Variants in RBPJ observed in about 807,000 individuals in gnomAD.
The protein encoded by RBPJ is recombining binding protein suppressor of hairless.
A neutral mutation model predicts 67.8 loss-of-function variants in RBPJ; 9 were observed. The observed-to-expected ratio is 0.13, with a 90% confidence interval of 0.08 to 0.23. RBPJ has a LOEUF of 0.23. RBPJ is among the 10% of genes least tolerant of loss of function. The pLI is 1.00. For missense variants in RBPJ, 305 were observed against 595.6 expected (o/e 0.51, Z 5.08); for synonymous variants, 198 against 203.3 (o/e 0.97, Z 0.22).
chr4:26,265,220 C>T (rs556875428), intron 1 of RBPJ, among the ~76,000 whole-genome samples: 19 of 152,254 alleles, frequency 1.2e-4, no homozygotes, highest in South Asian at 4.1e-4. Flanking sequence ...GATAATTTTT[C>T]CGAGCTGCCC....
At chr4:26,341,010 TAA>T (rs1196813231) in intron 1 of RBPJ, among the ~76,000 whole-genome samples, 1 of 152,168 alleles carries the variant, frequency 6.6e-6, no homozygotes. Context: ...CAGCTGGATA[TAA>T]AGTTTGGAGT....
intron 1 of RBPJ, among the ~76,000 whole-genome samples, chr4:26,301,436 C>A (rs1007058140): frequency 6.6e-6 from 1 of 151,514 alleles, no homozygotes. Flanking sequence ...ACTAAAAATA[C>A]AAAAAATTAG....
chr4:26,144,037 G>A, the RBPJ span, among the ~76,000 whole-genome samples: 2 of 152,132 alleles, frequency 1.3e-5, no homozygotes, highest in African/African-American at 4.8e-5. Context: ...TTTATATTAT[G>A]TGTTAAATTT....
At chr4:26,220,321 A>G (rs970132803) in intron 1 of RBPJ, among the ~76,000 whole-genome samples, 2 of 152,166 alleles carry the variant, frequency 1.3e-5, no homozygotes, top group African/African-American at 4.8e-5. Context: ...TTGCACCTCA[A>G]AAAGCTATTG....
chr4:26,394,882 G>A (rs1185291097), intron 2 of RBPJ, among the ~76,000 whole-genome samples: 1 of 152,086 alleles, frequency 6.6e-6, no homozygotes, highest in Non-Finnish European at 1.5e-5. Flanking sequence ...ATGTCATGAG[G>A]TTTTCTTCAT....
At chr4:26,316,418 TATATACATTCATATATACATTC>T (rs1560258207), upstream of RBPJ, among the ~76,000 whole-genome samples, 13 of 145,016 alleles carry the variant, frequency 9.0e-5, no homozygotes, top group African/African-American at 3.3e-4. Flanking sequence ...TATACATTCA[TATATACATTCATATATACATTC>T]ATATACATTC....
At chr4:26,119,856 A>AGG in the RBPJ span, among the ~76,000 whole-genome samples, 1 of 152,232 alleles carries the variant, frequency 6.6e-6, no homozygotes, top group African/African-American at 2.4e-5. Flanking sequence ...GAGTTACAAG[A>AGG]ACCCTTTCCT....
At chr4:26,404,086 T>C (rs933832682) in intron 2 of RBPJ, among the ~76,000 whole-genome samples, 1 of 152,230 alleles carries the variant, frequency 6.6e-6, no homozygotes, top group African/African-American at 2.4e-5. Context: ...TGTGAGATGG[T>C]GTCTCATTGT....
intron 1 of RBPJ, among the ~76,000 whole-genome samples, chr4:26,351,855 G>C (rs974460394): frequency 1.3e-5 from 2 of 152,184 alleles, no homozygotes; most frequent in African/African-American, 4.8e-5. Context: ...CCCACTGCTA[G>C]TTTCATACAG....
chr4:26,215,406 GGGAA>G (rs1718685223), intron 1 of RBPJ, among the ~76,000 whole-genome samples: 1 of 72,750 alleles, frequency 1.4e-5, no homozygotes, highest in South Asian at 6.6e-4. Context: ...AGGAAGGGGG[GGGAA>G]GGAAGGAAGG....
intron 1 of RBPJ, among the ~76,000 whole-genome samples, chr4:26,171,856 G>T (rs192503965): frequency 6.6e-6 from 1 of 152,320 alleles, no homozygotes. Context: ...GCTGAGGAGT[G>T]GACCTGCCAC....
At chr4:26,382,501 A>G (rs890205311) in intron 1 of RBPJ, among the ~76,000 whole-genome samples, 5 of 152,190 alleles carry the variant, frequency 3.3e-5, no homozygotes, top group Non-Finnish European at 7.3e-5. Context: ...ATTAGAATTT[A>G]GTTTGATTGT....
chr4:26,294,004 C>T lies in RBPJ; in HGVS notation c.-166-68442C>T, dbSNP rs147265762. Among the ~76,000 whole-genome samples the T allele has an allele frequency of 3.6e-3, 548 of 152,272 alleles. 1 individual carries two copies. Among genetic ancestry groups the T allele is most frequent in the Non-Finnish European group, 4.9e-3 (333 of 68,032 alleles). On this transcript the variant is annotated intron_variant, in intron 1 of 4. Coordinates refer to the RBPJ transcript ENST00000512351. ...AGCTCCTGACCTCAGGTAATCTGCTCACCTCAACCTCCCAAAGTGCTGGGA... is the reference window on the plus strand; with the variant it reads ...AGCTCCTGACCTCAGGTAATCTGCTTACCTCAACCTCCCAAAGTGCTGGGA...
chr4:26,242,436 G>A (rs1719673267), intron 1 of RBPJ, among the ~76,000 whole-genome samples: 1 of 138,292 alleles, frequency 7.2e-6, no homozygotes. Context: ...AACAGAGCGA[G>A]ACTCTGTCTC....
chr4:26,407,883 CTTTTTTTTTTTTT>C (rs61575988), intron 3 of RBPJ, among the ~76,000 whole-genome samples: 12 of 63,622 alleles, frequency 1.9e-4, no homozygotes, highest in Non-Finnish European at 2.8e-4. Context: ...AGCTTTCTTT[CTTTTTTTTTTTTT>C]TTTTTTTTTT....
At chr4:26,407,918 A>C (rs1733619787) in intron 3 of RBPJ, among the ~76,000 whole-genome samples, 1 of 94,578 alleles carries the variant, frequency 1.1e-5, no homozygotes. Context: ...TTTTTGAGAC[A>C]GGGTCTCTGT....
chr4:26,163,778 T>C (rs1716152267), intron 1 of RBPJ, among the ~76,000 whole-genome samples: 1 of 152,232 alleles, frequency 6.6e-6, no homozygotes, highest in Non-Finnish European at 1.5e-5. Flanking sequence ...TGCATGGTAG[T>C]GTTCTGGTTA....
intron 1 of RBPJ, among the ~76,000 whole-genome samples, chr4:26,230,591 A>G (rs1024917457): frequency 2.0e-5 from 3 of 152,206 alleles, no homozygotes; most frequent in African/African-American, 4.8e-5. Flanking sequence ...ACTAACTCCA[A>G]TGAGTCCCAT....
chr4:26,195,533 G>A (rs747082393), intron 1 of RBPJ, among the ~76,000 whole-genome samples: 7 of 152,066 alleles, frequency 4.6e-5, no homozygotes, highest in African/African-American at 1.4e-4. Context: ...CCCTTTCTCA[G>A]ACAAAATAAC....
Sources: gnomAD v4.1 joint callset for allele counts (sites outside exome capture counted in the v4.1 genomes callset) on GRCh38, gnomAD v4.1.1 for gene constraint, MANE v1.5 for transcripts, NCBI Gene and HGNC (gene_info 2026-07-23, HGNC 2026-07-21) for gene names.